Variants in LDLRAD3 observed in about 807,000 individuals in gnomAD.
LDLRAD3 encodes low density lipoprotein receptor class A domain containing 3, also known as low-density lipoprotein receptor class A domain-containing protein 3.
In LDLRAD3, 20 loss-of-function variants were observed where a neutral mutation model predicts 29.4. The ratio of observed to expected loss-of-function variants is 0.68; its 90% CI spans 0.48 to 0.99. The LOEUF is 0.99. Ranked by LOEUF, LDLRAD3 falls within the 50% of genes least tolerant of loss-of-function variation. LDLRAD3 has a pLI of 0.00. For synonymous variants in LDLRAD3, 157 were observed against 192.7 expected, an observed-to-expected ratio of 0.81 and a Z score of 1.53; for missense variants, 420 against 454.3, an observed-to-expected ratio of 0.92 and a Z score of 0.69.
chr11:36,189,845 T>TG (rs1179464248), intron 4 of LDLRAD3, among the ~76,000 whole-genome samples: 1 of 152,176 alleles, frequency 6.6e-6, no homozygotes, highest in African/African-American at 2.4e-5. Context: ...TTTTTGTTCT[T>TG]GCGATAGTTT....
intron 4 of LDLRAD3, among the ~76,000 whole-genome samples, chr11:36,211,827 C>T (rs1855287050): frequency 6.6e-6 from 1 of 152,196 alleles, no homozygotes; most frequent in Non-Finnish European, 1.5e-5. Context: ...TGTGTGATTA[C>T]ACCACACTCA....
chr11:36,133,442 T>C (rs1853957473), intron 4 of LDLRAD3, among the ~76,000 whole-genome samples: 1 of 152,010 alleles, frequency 6.6e-6, no homozygotes, highest in South Asian at 2.1e-4. Context: ...CAGGTTGGTC[T>C]CAAACTCCTG....
intron 3 of LDLRAD3, among the ~76,000 whole-genome samples, chr11:36,092,813 C>G (rs938816694): frequency 6.6e-6 from 1 of 152,208 alleles, no homozygotes; most frequent in Non-Finnish European, 1.5e-5. Flanking sequence ...GAGGCCTTTT[C>G]CTTGAGGAAG....
chr11:36,043,859 G>A (rs907608344), intron 2 of LDLRAD3, among the ~76,000 whole-genome samples: 2 of 152,172 alleles, frequency 1.3e-5, no homozygotes, highest in African/African-American at 4.8e-5. Flanking sequence ...AGAGAATATC[G>A]TGGTTTAAAG....
chr11:36,146,503 C>G (rs1012276017), intron 4 of LDLRAD3, among the ~76,000 whole-genome samples: 2 of 152,172 alleles, frequency 1.3e-5, no homozygotes, highest in African/African-American at 4.8e-5. Flanking sequence ...GCATAAATTA[C>G]TACAGATTTG....
intron 4 of LDLRAD3, among the ~76,000 whole-genome samples, chr11:36,099,148 C>T (rs1456222640): frequency 1.3e-5 from 2 of 151,970 alleles, no homozygotes; most frequent in Non-Finnish European, 2.9e-5. Flanking sequence ...CTCCTTGTGT[C>T]TGGGCTATTG....
At chr11:36,196,135 T>G (rs1412467524) in intron 4 of LDLRAD3, 1 of 152,158 alleles carries the variant, frequency 6.6e-6, no homozygotes. Flanking sequence ...GTTTCTGAGC[T>G]CTGGCAGGAA....
intron 4 of LDLRAD3, among the ~76,000 whole-genome samples, chr11:36,179,165 T>G (rs1025546706): frequency 1.3e-5 from 2 of 152,124 alleles, no homozygotes; most frequent in Admixed American, 1.3e-4. Flanking sequence ...CCCTGGAGAT[T>G]CCGAATGAAA....
At chr11:35,993,967 A>G (rs1851720560) in intron 1 of LDLRAD3, among the ~76,000 whole-genome samples, 1 of 152,162 alleles carries the variant, frequency 6.6e-6, no homozygotes, top group Admixed American at 6.5e-5. Flanking sequence ...GGACTCACAT[A>G]GATTTAAAGG....
At chr11:36,210,518 A>G (rs929498863) in intron 4 of LDLRAD3, among the ~76,000 whole-genome samples, 3 of 151,998 alleles carry the variant, frequency 2.0e-5, no homozygotes, top group Non-Finnish European at 4.4e-5. Context: ...TGAATCCTCC[A>G]CAGCCCGAGA....
chr11:36,111,530 GCT>G (rs1003213403), intron 4 of LDLRAD3, among the ~76,000 whole-genome samples: 4 of 151,766 alleles, frequency 2.6e-5, no homozygotes, highest in Admixed American at 6.6e-5. Context: ...ACTCCAAGCA[GCT>G]CTTTCTTGTT....
intron 2 of LDLRAD3, among the ~76,000 whole-genome samples, chr11:36,051,751 A>G (rs1852531465): frequency 1.3e-5 from 2 of 149,898 alleles, no homozygotes; most frequent in Admixed American, 1.4e-4. Context: ...GGTGCTGCCA[A>G]ACAAAAAGAA....
chr11:36,102,049 T>A (rs931322623), intron 4 of LDLRAD3: 1 of 185,840 alleles, frequency 5.4e-6, no homozygotes, highest in African/African-American at 2.4e-5. Flanking sequence ...CCACTACGCC[T>A]GGCTTATTTT....
At chr11:35,954,210 T>A (rs1490169290) in intron 1 of LDLRAD3, among the ~76,000 whole-genome samples, 3 of 152,132 alleles carry the variant, frequency 2.0e-5, no homozygotes, top group African/African-American at 7.2e-5. Flanking sequence ...AGTTTTTGAA[T>A]AATAAGCATA....
chr11:35,997,556 C>T (rs1302457683), intron 1 of LDLRAD3: 3 of 341,338 alleles, frequency 8.8e-6, no homozygotes, highest in African/African-American at 2.2e-5. Flanking sequence ...CATCACCAAC[C>T]TTTTTTGCAG....
chr11:36,164,764 T>A lies in LDLRAD3; in HGVS notation c.455-62321T>A, dbSNP rs115163932. Among the ~76,000 whole-genome samples, 592 of 152,370 alleles carry A rather than the reference T, an allele frequency of 3.9e-3. 7 individuals carry two copies. Among genetic ancestry groups the A allele is most frequent in the African/African-American group, 0.014 (573 of 41,596 alleles). On this transcript the variant is annotated intron_variant, in intron 4 of 5. Transcript: ENST00000315571. ...CAGTGTTTTGGACAGAGATAGAAGCTTTGCGAGCAGGCAGCCCGCCAGATT... is the reference window on the plus strand; with the variant it reads ...CAGTGTTTTGGACAGAGATAGAAGCATTGCGAGCAGGCAGCCCGCCAGATT...
chr11:36,035,164 G>A (rs1408814743), intron 1 of LDLRAD3, among the ~76,000 whole-genome samples: 2 of 138,516 alleles, frequency 1.4e-5, no homozygotes, highest in East Asian at 4.4e-4. Context: ...GTGGTGTGCT[G>A]AAGGACTGGT....
chr11:36,013,406 G>T (rs555432975), intron 1 of LDLRAD3, among the ~76,000 whole-genome samples: 3 of 152,080 alleles, frequency 2.0e-5, no homozygotes, highest in African/African-American at 4.8e-5. Context: ...CATTGTCTAG[G>T]TTTTAAGCCC....
intron 3 of LDLRAD3, among the ~76,000 whole-genome samples, chr11:36,083,458 A>G (rs1372648941): frequency 6.6e-6 from 1 of 152,184 alleles, no homozygotes; most frequent in Non-Finnish European, 1.5e-5. Context: ...CACTATTCAT[A>G]TTTATCCCAT....
Sources: allele counts gnomAD v4.1 joint callset (sites outside exome capture counted in the v4.1 genomes callset), GRCh38; gene constraint gnomAD v4.1.1; transcripts MANE v1.5; gene names NCBI Gene and HGNC (gene_info 2026-07-23, HGNC 2026-07-21).